Variants in POT1 observed in about 807,000 individuals in gnomAD.
POT1 encodes protection of telomeres 1.
In POT1, 47 loss-of-function variants were observed where a neutral mutation model predicts 78.5. The observed-to-expected ratio is 0.60, with a 90% confidence interval of 0.47 to 0.76. POT1 has a LOEUF of 0.76. Among genes scored for constraint, POT1 ranks in the 30% least tolerant of loss-of-function variants. The pLI is 0.00. For synonymous variants in POT1, 259 were observed against 260.7 expected (o/e 0.99, Z 0.06); for missense variants, 646 against 749.9 (o/e 0.86, Z 1.62).
At chr7:124,878,959 G>T (rs1304669154) in intron 6 of POT1, among the ~76,000 whole-genome samples, 1 of 151,432 alleles carries the variant, frequency 6.6e-6, no homozygotes, top group Non-Finnish European at 1.5e-5. Context: ...TGACGAATAA[G>T]AAATGAAAGA....
At chr7:124,912,530 C>A (rs1452760495) in intron 3 of POT1, among the ~76,000 whole-genome samples, 1 of 152,076 alleles carries the variant, frequency 6.6e-6, no homozygotes, top group African/African-American at 2.4e-5. Context: ...ACAGTTCTGC[C>A]TTACATTCTC....
At chr7:124,909,560 G>A (rs1484028840) in intron 3 of POT1, among the ~76,000 whole-genome samples, 1 of 151,656 alleles carries the variant, frequency 6.6e-6, no homozygotes, top group Non-Finnish European at 1.5e-5. Flanking sequence ...TTTAAATCCA[G>A]AAATAATTTA....
At chr7:124,901,016 G>T (rs1796606266) in intron 3 of POT1, among the ~76,000 whole-genome samples, 1 of 152,118 alleles carries the variant, frequency 6.6e-6, no homozygotes, top group Non-Finnish European at 1.5e-5. Context: ...GAACTGGGTG[G>T]AGCCCACTGC....
intron 3 of POT1, among the ~76,000 whole-genome samples, chr7:124,904,044 A>C (rs556208245): frequency 2.6e-5 from 4 of 152,322 alleles, no homozygotes; most frequent in African/African-American, 9.6e-5. Flanking sequence ...AACCAAAAAA[A>C]GTCCAGGACC....
intron 6 of POT1, 52 bp from the exon 7 acceptor site, chr7:124,871,093 A>G (rs2116568096): frequency 6.8e-7 from 1 of 1,469,988 alleles, no homozygotes; most frequent in East Asian, 2.3e-5. Context: ...AAAGCATTTG[A>G]TAAAATAAGA....
chr7:124,838,867 A>T (rs1046848780), intron 14 of POT1, among the ~76,000 whole-genome samples: 7 of 152,146 alleles, frequency 4.6e-5, no homozygotes, highest in African/African-American at 1.7e-4. Flanking sequence ...GGCCTCCCAA[A>T]GTGCTAAGAT....
chr7:124,916,963 G>C (rs922789036), intron 2 of POT1, among the ~76,000 whole-genome samples: 2 of 151,504 alleles, frequency 1.3e-5, no homozygotes, highest in East Asian at 1.9e-4. Flanking sequence ...AAAATGCTGG[G>C]AGAAGGGCAA....
intron 6 of POT1, among the ~76,000 whole-genome samples, chr7:124,882,854 T>A (rs1009307950): frequency 1.3e-5 from 2 of 151,980 alleles, no homozygotes; most frequent in African/African-American, 4.8e-5. Context: ...GATGGAAGCC[T>A]GAAGTCTCAT....
intron 13 of POT1, 57 bp from the exon 14 acceptor site, chr7:124,841,235 T>C: frequency 7.5e-7 from 1 of 1,339,544 alleles, no homozygotes; most frequent in Non-Finnish European, 1.1e-6. Flanking sequence ...CGTGAAGATT[T>C]CCATTTAACA....
At chr7:124,845,742 C>CT (rs1795148246) in intron 12 of POT1, among the ~76,000 whole-genome samples, 2 of 151,790 alleles carry the variant, frequency 1.3e-5, no homozygotes, top group South Asian at 4.2e-4. Flanking sequence ...TTCATTATCC[C>CT]TTTTATATTT....
rs190554165 is a variant in POT1, at chr7:124,913,136, A to T, written c.-154+2438T>A. ...TCACTATCATGAGAACAGCCAAGGA[A>T]AGACCCGCCTCCATAATTCAATCAC... On this transcript the variant is annotated intron_variant, in intron 3 of 18. Transcript: ENST00000357628. Among the ~76,000 whole-genome samples the T allele has an allele frequency of 3.9e-5, 6 of 152,198 alleles. No homozygotes were observed. The East Asian group carries it at 7.7e-4, about 20-fold the overall frequency.
At chr7:124,922,449 A>T (rs764390542) in intron 2 of POT1, among the ~76,000 whole-genome samples, 1 of 152,060 alleles carries the variant, frequency 6.6e-6, no homozygotes, top group Admixed American at 6.6e-5. Flanking sequence ...GTAAAAGATC[A>T]TAACAGTTCA....
intron 15 of POT1, among the ~76,000 whole-genome samples, chr7:124,832,732 G>T (rs562585892): frequency 7.9e-5 from 12 of 151,014 alleles, no homozygotes; most frequent in African/African-American, 2.9e-4. Flanking sequence ...TGAGACAGGA[G>T]AATCGCTTGA....
At chr7:124,886,674 A>AT (rs1200603127) in intron 6 of POT1, among the ~76,000 whole-genome samples, 3 of 152,094 alleles carry the variant, frequency 2.0e-5, no homozygotes, top group African/African-American at 7.2e-5. Flanking sequence ...CTAGCCATGA[A>AT]TTTTTTACTA....
chr7:124,848,199 G>T (rs1000059775), intron 11 of POT1, among the ~76,000 whole-genome samples: 3 of 152,262 alleles, frequency 2.0e-5, no homozygotes, highest in African/African-American at 7.2e-5. Context: ...AACTCATGGA[G>T]TGGTTCATAA....
intron 3 of POT1, among the ~76,000 whole-genome samples, chr7:124,906,015 T>C (rs1456407432): frequency 1.3e-5 from 2 of 152,032 alleles, no homozygotes; most frequent in Non-Finnish European, 2.9e-5. Flanking sequence ...TGTGGAGAAA[T>C]AGGAACACTT....
At chr7:124,839,068 C>A (rs1427704121) in intron 14 of POT1, among the ~76,000 whole-genome samples, 1 of 152,232 alleles carries the variant, frequency 6.6e-6, no homozygotes, top group Non-Finnish European at 1.5e-5. Flanking sequence ...TACTATATAG[C>A]TTTAGAAATA....
At chr7:124,829,079 C>CTA in intron 16 of POT1, 175 bp downstream of exon 16, 1 of 764,132 alleles carries the variant, frequency 1.3e-6, no homozygotes, top group South Asian at 1.4e-5. Flanking sequence ...GAAATACAGA[C>CTA]TAAAGGAAGG....
chr7:124,884,615 A>G (rs1796200092), intron 6 of POT1, among the ~76,000 whole-genome samples: 4 of 94,830 alleles, frequency 4.2e-5, no homozygotes, highest in Admixed American at 1.0e-4. Context: ...AGCAAATAAA[A>G]GAAAGAAGGA....
Sources: allele counts gnomAD v4.1 joint callset (sites outside exome capture counted in the v4.1 genomes callset), GRCh38; gene constraint gnomAD v4.1.1; transcripts MANE v1.5; gene names NCBI Gene and HGNC (gene_info 2026-07-23, HGNC 2026-07-21).